SBNO2: variants seen among roughly 807,000 people sequenced by gnomAD.
SBNO2 encodes protein strawberry notch homolog 2.
SBNO2 carries 89 observed loss-of-function variants against 146.3 expected under a neutral mutation model. The observed-to-expected ratio is 0.61, with a 90% CI of 0.51 to 0.73. SBNO2 has a LOEUF of 0.73. SBNO2 is among the 30% of genes least tolerant of loss of function. SBNO2 has a pLI of 0.00. For synonymous variants in SBNO2, 1,147 were observed against 892.6 expected (o/e 1.29, Z -5.08); for missense variants, 2,092 against 2,003.7 (o/e 1.04, Z -0.84).
intron 1 of SBNO2, among the ~76,000 whole-genome samples, chr19:1,165,220 G>A (rs2080401319): frequency 1.3e-5 from 2 of 152,274 alleles, no homozygotes; most frequent in South Asian, 2.1e-4. Context: ...GGTCAGGGCT[G>A]CTCAGCTGAC....
intron 2 of SBNO2, among the ~76,000 whole-genome samples, chr19:1,151,636 G>A (rs898913698): frequency 2.0e-5 from 3 of 152,184 alleles, no homozygotes; most frequent in African/African-American, 7.2e-5. Context: ...ACCCTGCCCA[G>A]ACAATCAGAG....
At position 1,158,455 on chromosome 19, in the gene SBNO2, C is replaced by T. The variant is rs529271110; in HGVS notation, c.-126-4053G>A. 1.3e-5 allele frequency among the ~76,000 whole-genome samples: 2 copies of T among 152,264 alleles called. No individual in the cohort carries two copies. Among genetic ancestry groups the T allele is most frequent in the Admixed American group, 6.5e-5 (1 of 15,292 alleles). ...CACGTTCGCGACGGCAAAGCGGAGA[C>T]CCTGAGAAGACACTGGCCGCAGAGC... On this transcript the variant is annotated intron_variant, in intron 1 of 31. Transcript: ENST00000361757. The surrounding 1 kb of genome is among the most constrained non-coding windows in gnomAD (Gnocchi z 9.9).
In SBNO2 at chr19:1,126,678, G is replaced by A. The variant is rs934137914; in HGVS notation, c.441+926C>T. ...CCCCTTCCTGAGGGCCCGGGAGAGC[G>A]GCCTATGGGTGTGAGCCCACCACTG... On this transcript the variant is annotated intron_variant, in intron 5 of 31. Transcript: ENST00000361757. This position sits in a 1 kb window ranked among gnomAD's most constrained non-coding sequence, Gnocchi z 4.4. 6.6e-6 allele frequency among the ~76,000 whole-genome samples: 1 copy of A among 152,200 alleles called. No homozygotes were observed. The highest frequency in any genetic ancestry group is 1.5e-5 in the Non-Finnish European group (1 of 68,032).
chr19:1,118,044 C>A (rs960999708), intron 14 of SBNO2, among the ~76,000 whole-genome samples: 2 of 152,178 alleles, frequency 1.3e-5, no homozygotes, highest in Non-Finnish European at 2.9e-5. Context: ...CCTAAAGAAA[C>A]GAGTGAAGAG....
chr19:1,146,113 C>T (rs2080187258), intron 4 of SBNO2, among the ~76,000 whole-genome samples: 1 of 152,218 alleles, frequency 6.6e-6, no homozygotes, highest in Non-Finnish European at 1.5e-5. Context: ...TCTCTCCTGT[C>T]TCTTCTGAGG....
intron 1 of SBNO2, among the ~76,000 whole-genome samples, chr19:1,165,167 T>C (rs370135843): frequency 6.2e-4 from 95 of 152,242 alleles, no homozygotes; most frequent in African/African-American, 2.2e-3. Context: ...GAGTTGAGCG[T>C]GGCCCTGCCT....
intron 4 of SBNO2, among the ~76,000 whole-genome samples, chr19:1,145,917 G>A (rs773657943): frequency 6.6e-6 from 1 of 152,110 alleles, no homozygotes; most frequent in Non-Finnish European, 1.5e-5. Context: ...CCACACACTG[G>A]GGGCTACAGG....
chr19:1,108,006 G>A lies in SBNO2; in HGVS notation c.*214C>T, dbSNP rs2079692264. The A allele has an allele frequency of 2.6e-6, 1 of 381,706 alleles. No individual in the cohort carries two copies. The allele number at this position is 381,706 out of a possible 1,614,324, so 23.6% of individuals were successfully genotyped here. Reference sequence around the variant, plus strand: ...CTTCCTACTTGGGAGGAGAGGCACAGAGAGGGCCCTGCCACGCCCCGGCCC... The same window carrying A: ...CTTCCTACTTGGGAGGAGAGGCACAAAGAGGGCCCTGCCACGCCCCGGCCC... On this transcript the variant is annotated 3_prime_UTR_variant, in exon 32 of 32. Transcript: ENST00000361757.
intron 1 of SBNO2, among the ~76,000 whole-genome samples, chr19:1,162,427 T>C: frequency 6.7e-6 from 1 of 148,236 alleles, no homozygotes; most frequent in Non-Finnish European, 1.5e-5. Context: ...GCCACTGCAC[T>C]CCAGCCTGGG....
In SBNO2 at chr19:1,113,615, G is replaced by T. The variant is rs762749363; in HGVS notation, c.2167C>A (p.Arg723=). The change falls in exon 19 of 32, where the codon CGG becomes AGG. Residue 723 remains arginine, a synonymous_variant. Coordinates refer to ENST00000361757, the MANE Select transcript of SBNO2 (RefSeq NM_014963.3). The part of the protein sequence containing the change: ...RLKQDLLDKV[R]RLGRELPVNT... ...ACTGGCAGTTCCCGGCCCAGCCGCC[G>T]CACTTTGTCCAGCAGATCCTGCTTC... is the stretch of plus-strand genomic sequence containing the variant. The T allele has an allele frequency of 5.0e-5, 80 of 1,596,600 alleles. No individual in the cohort carries two copies. Among genetic ancestry groups the T allele is most frequent in the Non-Finnish European group, 6.5e-5 (76 of 1,173,814 alleles).
intron 2 of SBNO2, among the ~76,000 whole-genome samples, chr19:1,152,399 G>A (rs562699466): frequency 4.6e-4 from 70 of 152,320 alleles, no homozygotes; most frequent in South Asian, 2.7e-3. Flanking sequence ...TCCCCAGGGT[G>A]TGTTTCCGAG....
chr19:1,131,576 C>T (rs2080028788), intron 4 of SBNO2, among the ~76,000 whole-genome samples: 1 of 152,204 alleles, frequency 6.6e-6, no homozygotes, highest in Non-Finnish European at 1.5e-5. Flanking sequence ...CATGGGGAGC[C>T]ACAGAGCCAC....
intron 4 of SBNO2, among the ~76,000 whole-genome samples, chr19:1,143,227 C>T (rs558866297): frequency 6.6e-6 from 1 of 152,256 alleles, no homozygotes; most frequent in East Asian, 1.9e-4. Flanking sequence ...CCTGTAATCC[C>T]CATGCTTTGG....
At position 1,108,589 on chromosome 19, in the gene SBNO2, C is replaced by T. The variant is rs980276495; in HGVS notation, c.3732G>A (p.Pro1244=). 9.8e-5 allele frequency: 56 copies of T among 573,580 alleles called. No individual in the cohort carries two copies. In the East Asian group the frequency reaches 4.1e-3, roughly 42 times the overall value. The allele number at this position is 573,580 out of a possible 1,614,324, so 35.5% of individuals were successfully genotyped here. A position where few individuals can be genotyped will look rare whatever the true frequency, so the allele number is the denominator to read the frequency against. The change falls in exon 32 of 32, where the codon CCG becomes CCA. Residue 1244 remains proline, a synonymous_variant. Transcript: ENST00000361757. ...PALGCPAPPA[P]RPLALPCGPG... is the part of the protein sequence containing the mutation. Reference sequence around the variant, plus strand: ...GGCCGCAAGGCAGCGCCAGCGGGCGCGGGGCGGGCGGGGCGGGGCAGCCCA... The same window carrying T: ...GGCCGCAAGGCAGCGCCAGCGGGCGTGGGGCGGGCGGGGCGGGGCAGCCCA...
intron 19 of SBNO2, 61 bp downstream of exon 19, chr19:1,113,474 T>C: frequency 7.1e-7 from 1 of 1,403,778 alleles, no homozygotes; most frequent in Non-Finnish European, 9.7e-7. Context: ...ACAGCCTGCG[T>C]GAAGCCCCAC....
At chr19:1,166,404 C>T (rs1024150009) in intron 1 of SBNO2, among the ~76,000 whole-genome samples, 3 of 152,306 alleles carry the variant, frequency 2.0e-5, no homozygotes, top group East Asian at 3.9e-4. Context: ...AAGGCCTGTC[C>T]GCCTGGACAG....
Position 1,173,360 on chromosome 19 carries a change from C to G in SBNO2, c.-127+812G>C, listed in dbSNP as rs926233114. 2.6e-5 allele frequency among the ~76,000 whole-genome samples: 4 copies of G among 152,244 alleles called. No individual in the cohort carries two copies. Among genetic ancestry groups the G allele is most frequent in the African/African-American group, 9.6e-5 (4 of 41,470 alleles). ...TTGAATGCGACCCGCACTCCCACCC[C>G]CAACACGCTCTGCAGACTCCGCCCA... On this transcript the variant is annotated intron_variant, in intron 1 of 31. Transcript: ENST00000361757. The surrounding 1 kb of genome is among the most constrained non-coding windows in gnomAD (Gnocchi z 4.7).
chr19:1,169,114 G>A (rs904820168), intron 1 of SBNO2: 2 of 152,268 alleles, frequency 1.3e-5, no homozygotes, highest in Non-Finnish European at 2.9e-5. Context: ...AGGTCACTGA[G>A]ACAGCGGCAC....
Position 1,140,643 on chromosome 19 carries a change from A to C in SBNO2, c.279+6666T>G, listed in dbSNP as rs974274136. ...CCAGGGAGCAGGCAGAGAGCGGGGA[A>C]GGGGTGGGGGTCCCACACAGACCCA... On this transcript the variant is annotated intron_variant, in intron 4 of 31. Coordinates refer to ENST00000361757, the MANE Select transcript of SBNO2 (RefSeq NM_014963.3). This position sits in a 1 kb window ranked among gnomAD's most constrained non-coding sequence, Gnocchi z 4.4. Among the ~76,000 whole-genome samples the C allele has an allele frequency of 6.6e-6, 1 of 151,872 alleles. No homozygotes were observed. Among genetic ancestry groups the C allele is most frequent in the African/African-American group, 2.4e-5 (1 of 41,394 alleles).
Sources: gnomAD v4.1 joint callset for allele counts (sites outside exome capture counted in the v4.1 genomes callset) on GRCh38, gnomAD v4.1.1 for gene constraint, Gnocchi (gnomAD v3.1) non-coding constraint, MANE v1.5 for transcripts, NCBI Gene and HGNC (gene_info 2026-07-23, HGNC 2026-07-21) for gene names.